The following RAD51B variants were observed in gnomAD, a reference collection of about 807,000 sequenced individuals.
RAD51B encodes the protein RAD51 paralog B, also known as DNA repair protein RAD51 homolog 2.
A neutral mutation model predicts 42.2 loss-of-function variants in RAD51B; 38 were observed. The ratio of observed to expected loss-of-function variants is 0.90; its 90% CI spans 0.70 to 1.18. The LOEUF is 1.18. Among genes scored for constraint, RAD51B ranks in the 50% most tolerant of loss-of-function variants. RAD51B has a pLI of 0.00. For synonymous variants in RAD51B, 154 were observed against 145.2 expected (o/e 1.06, Z -0.43); for missense variants, 373 against 400.7 (o/e 0.93, Z 0.59).
chr14:68,226,319 C>T (rs1290612236), intron 7 of RAD51B, among the ~76,000 whole-genome samples: 3 of 152,188 alleles, frequency 2.0e-5, no homozygotes, highest in African/African-American at 7.2e-5. Context: ...TAAGCTAAAA[C>T]CCTCTCCCGG....
intron 7 of RAD51B, among the ~76,000 whole-genome samples, chr14:68,046,197 C>T: frequency 6.6e-6 from 1 of 152,172 alleles, no homozygotes; most frequent in Non-Finnish European, 1.5e-5. Context: ...AATCATGGCT[C>T]ACTGCAGCCT....
chr14:67,977,041 G>A (rs1251850339), intron 7 of RAD51B, among the ~76,000 whole-genome samples: 1 of 152,124 alleles, frequency 6.6e-6, no homozygotes, highest in Non-Finnish European at 1.5e-5. Flanking sequence ...AGTTAGAATG[G>A]CAATCATTAA....
At chr14:68,265,878 A>G (rs1228354544) in intron 7 of RAD51B, among the ~76,000 whole-genome samples, 1 of 152,240 alleles carries the variant, frequency 6.6e-6, no homozygotes, top group Non-Finnish European at 1.5e-5. Flanking sequence ...GATGGTTGGC[A>G]TTTTGAGAGA....
At chr14:68,417,264 A>G (rs2084584580) in intron 9 of RAD51B, among the ~76,000 whole-genome samples, 1 of 152,144 alleles carries the variant, frequency 6.6e-6, no homozygotes, top group African/African-American at 2.4e-5. Context: ...AAGGAGGATT[A>G]TGTGAGTATG....
At chr14:68,366,913 A>C (rs925229085) in intron 8 of RAD51B, among the ~76,000 whole-genome samples, 3 of 152,254 alleles carry the variant, frequency 2.0e-5, no homozygotes, top group African/African-American at 7.2e-5. Flanking sequence ...GAAAAGGGCA[A>C]TTCTCTGAAT....
chr14:68,241,322 C>G (rs886483341), intron 7 of RAD51B, among the ~76,000 whole-genome samples: 1 of 152,186 alleles, frequency 6.6e-6, no homozygotes, highest in Non-Finnish European at 1.5e-5. Context: ...GCAGGTGGAT[C>G]ACGAGGTCAG....
intron 7 of RAD51B, among the ~76,000 whole-genome samples, chr14:67,976,830 A>G (rs1215667439): frequency 6.6e-6 from 1 of 152,250 alleles, no homozygotes; most frequent in Non-Finnish European, 1.5e-5. Context: ...ACAGAGGGCT[A>G]ATATCCAGAA....
At chr14:68,433,697 C>T (rs1409082238) in intron 9 of RAD51B, among the ~76,000 whole-genome samples, 3 of 152,204 alleles carry the variant, frequency 2.0e-5, no homozygotes, top group Non-Finnish European at 4.4e-5. Flanking sequence ...CTTGAACTTC[C>T]TCCTTTAGCT....
chr14:68,399,773 C>T (rs1357630173), intron 8 of RAD51B, among the ~76,000 whole-genome samples: 1 of 152,084 alleles, frequency 6.6e-6, no homozygotes, highest in African/African-American at 2.4e-5. Context: ...ATGATCTCAC[C>T]CAGGAAATTA....
chr14:68,465,886 A>T (rs1240871649), intron 9 of RAD51B, among the ~76,000 whole-genome samples: 1 of 151,444 alleles, frequency 6.6e-6, no homozygotes, highest in Non-Finnish European at 1.5e-5. Context: ...GCTTGCAGTG[A>T]GCCGAGATTG....
At chr14:68,158,318 A>G (rs2078561594) in intron 7 of RAD51B, among the ~76,000 whole-genome samples, 2 of 152,208 alleles carry the variant, frequency 1.3e-5, no homozygotes, top group Admixed American at 1.3e-4. Flanking sequence ...CTGGACCCAA[A>G]TGGTATAATT....
At chr14:68,264,838 T>G (rs1323362619) in intron 7 of RAD51B, among the ~76,000 whole-genome samples, 1 of 152,184 alleles carries the variant, frequency 6.6e-6, no homozygotes, top group African/African-American at 2.4e-5. Context: ...TCTTTACCGT[T>G]TCTCGTCTGC....
chr14:68,243,110 G>A (rs561930356), intron 7 of RAD51B, among the ~76,000 whole-genome samples: 10 of 152,138 alleles, frequency 6.6e-5, no homozygotes, highest in African/African-American at 1.2e-4. Flanking sequence ...TGTGCTCTCC[G>A]GAATTAATTT....
intron 8 of RAD51B, among the ~76,000 whole-genome samples, chr14:68,341,988 G>C (rs1378690779): frequency 6.6e-6 from 1 of 152,010 alleles, no homozygotes; most frequent in African/African-American, 2.4e-5. Context: ...ATTGTGTATA[G>C]TGTAAGAAAA....
At chr14:68,022,796 C>G (rs938523318) in intron 7 of RAD51B, among the ~76,000 whole-genome samples, 2 of 152,140 alleles carry the variant, frequency 1.3e-5, no homozygotes, top group African/African-American at 4.8e-5. Context: ...TCAGTCCTCA[C>G]CCTTCTCCCA....
At chr14:68,392,073 A>G (rs1367561078) in intron 8 of RAD51B, among the ~76,000 whole-genome samples, 1 of 152,228 alleles carries the variant, frequency 6.6e-6, no homozygotes, top group Non-Finnish European at 1.5e-5. Context: ...CTAAAGGCTC[A>G]GGTTTATCTG....
intron 5 of RAD51B, among the ~76,000 whole-genome samples, chr14:67,876,951 T>C (rs1199742635): frequency 6.6e-6 from 1 of 152,052 alleles, no homozygotes; most frequent in East Asian, 1.9e-4. Context: ...GGACTAAGAG[T>C]ATAAAGGTAG....
chr14:67,862,580 A>T (rs957986995), intron 4 of RAD51B, among the ~76,000 whole-genome samples: 5 of 152,206 alleles, frequency 3.3e-5, no homozygotes, highest in Non-Finnish European at 7.4e-5. Context: ...GCAAGTAGTA[A>T]TTTAGTTAAG....
intron 10 of RAD51B, among the ~76,000 whole-genome samples, chr14:68,504,922 A>C (rs1396956431): frequency 6.6e-6 from 1 of 152,126 alleles, no homozygotes; most frequent in East Asian, 1.9e-4. Flanking sequence ...GCAGACCTGC[A>C]AGAGGCCAGG....
Sources: gnomAD v4.1 joint callset for allele counts (sites outside exome capture counted in the v4.1 genomes callset) on GRCh38, gnomAD v4.1.1 for gene constraint, MANE v1.5 for transcripts, NCBI Gene and HGNC (gene_info 2026-07-23, HGNC 2026-07-21) for gene names.